The following ZNF141 variants were observed in gnomAD, a reference collection of about 807,000 sequenced individuals.
ZNF141 encodes the protein zinc finger protein 141.
In ZNF141, 7 loss-of-function variants were observed where a neutral mutation model predicts 11.3. The ratio of observed to expected loss-of-function variants is 0.62; its 90% CI spans 0.35 to 1.16. The LOEUF is 1.16. ZNF141 is among the 50% of genes most tolerant of loss of function. The pLI, the probability that ZNF141 is intolerant of heterozygous loss-of-function variation, is 0.02. For missense variants in ZNF141, 535 were observed against 554.0 expected, an observed-to-expected ratio of 0.97 and a Z score of 0.34; for synonymous variants, 183 against 190.7, an observed-to-expected ratio of 0.96 and a Z score of 0.33.
At chr4:362,827 G>A (rs1354262876) in intron 3 of ZNF141, among the ~76,000 whole-genome samples, 2 of 152,138 alleles carry the variant, frequency 1.3e-5, no homozygotes, top group Non-Finnish European at 2.9e-5. Context: ...CTCCAGCTTT[G>A]TTCTTTTGGC....
chr4:350,263 G>T (rs781974689), intron 3 of ZNF141: 3 of 530,178 alleles, frequency 5.7e-6, no homozygotes, highest in Non-Finnish European at 1.2e-5. Context: ...AATAACCCTC[G>T]ATCTCTGGCT....
Position 374,005 on chromosome 4 carries a change from A to G in ZNF141, c.*143A>G. On this transcript the variant is annotated 3_prime_UTR_variant, in exon 4 of 4. Coordinates refer to ENST00000240499, the MANE Select transcript of ZNF141 (RefSeq NM_003441.4). Reference sequence around the variant, plus strand: ...TTCTTTACCTCATTCTCAAACCTTGATAAACATAAGAGAATTCATACCGGA... The same window carrying G: ...TTCTTTACCTCATTCTCAAACCTTGGTAAACATAAGAGAATTCATACCGGA... 1.3e-6 allele frequency: 1 copy of G among 755,876 alleles called. No homozygotes were observed. Among genetic ancestry groups the G allele is most frequent in the Non-Finnish European group, 2.2e-6 (1 of 450,196 alleles). 46.8% of individuals were successfully genotyped at this position (755,876 alleles called of 1,614,324 possible). A position where few individuals can be genotyped will look rare whatever the true frequency, so the allele number is the denominator to read the frequency against.
At chr4:355,555 A>G (rs1192330922) in intron 3 of ZNF141, among the ~76,000 whole-genome samples, 1 of 152,152 alleles carries the variant, frequency 6.6e-6, no homozygotes, top group Non-Finnish European at 1.5e-5. Flanking sequence ...AAATATAGGC[A>G]TTCCTACACT....
intron 2 of ZNF141, 95 bp from the exon 3 acceptor site, chr4:344,240 C>A (rs1445586462): frequency 9.0e-7 from 1 of 1,115,650 alleles, no homozygotes; most frequent in East Asian, 2.7e-5. Flanking sequence ...CTAGAATCTT[C>A]CATAATATCT....
chr4:339,922 A>G (rs782101915), intron 1 of ZNF141, among the ~76,000 whole-genome samples: 11 of 152,212 alleles, frequency 7.2e-5, no homozygotes, highest in Non-Finnish European at 1.5e-4. Flanking sequence ...GGAAACCCGG[A>G]TGACCTCCCA....
In ZNF141 at chr4:375,099, T is replaced by C. The variant is rs1404081049; in HGVS notation, c.*1237T>C. On this transcript the variant is annotated 3_prime_UTR_variant, in exon 4 of 4. Transcript: ENST00000240499. Reference sequence around the variant, plus strand: ...TATCCTTTATATTCGAGAAAAGTTATAGAAATATAAAAAATATAGAAAAGT... The same window carrying C: ...TATCCTTTATATTCGAGAAAAGTTACAGAAATATAAAAAATATAGAAAAGT... 2.0e-5 allele frequency: 3 copies of C among 152,118 alleles called. No homozygotes were observed. The highest frequency in any genetic ancestry group is 6.6e-5 in the Admixed American group (1 of 15,258). The allele number at this position is 152,118 out of a possible 1,614,324, so 9.4% of individuals were successfully genotyped here.
At chr4:344,264 C>T (rs1291282730) in intron 2 of ZNF141, 71 bp from the exon 3 acceptor site, 38 of 1,295,878 alleles carry the variant, frequency 2.9e-5, no homozygotes, top group Middle Eastern at 3.8e-4. Context: ...TTCTGCTTAG[C>T]GTAGTACTAG....
intron 3 of ZNF141, among the ~76,000 whole-genome samples, chr4:355,055 A>G (rs1395220879): frequency 6.6e-6 from 1 of 151,926 alleles, no homozygotes; most frequent in Non-Finnish European, 1.5e-5. Context: ...TAGTTAACAT[A>G]TGTTTATATA....
intron 3 of ZNF141, among the ~76,000 whole-genome samples, chr4:366,454 G>A (rs782422540): frequency 1.1e-4 from 16 of 151,380 alleles, no homozygotes; most frequent in South Asian, 2.1e-4. Flanking sequence ...GATGACAGGC[G>A]TGTGCCGCCC....
rs1334145126 is a variant in ZNF141, at chr4:375,053, T to G, written c.*1191T>G. ...AAAAATGTGGCAGGATTTTTACCAA[T>G]GCTCATCTTTTTGCACATGATATCC... On this transcript the variant is annotated 3_prime_UTR_variant, in exon 4 of 4. Transcript: ENST00000240499. The G allele has an allele frequency of 6.6e-6, 1 of 152,154 alleles. No individual in the cohort carries two copies. The highest frequency in any genetic ancestry group is 1.5e-5 in the Non-Finnish European group (1 of 67,998). 9.4% of individuals were successfully genotyped at this position (152,154 alleles called of 1,614,324 possible).
At chr4:363,809 A>G (rs1553852571) in intron 3 of ZNF141, among the ~76,000 whole-genome samples, 6 of 150,910 alleles carry the variant, frequency 4.0e-5, no homozygotes, top group Admixed American at 2.6e-4. Context: ...CCCATTTAGT[A>G]TGATATTGGC....
chr4:342,801 C>T (rs1721113506), intron 1 of ZNF141: 1 of 1,591,712 alleles, frequency 6.3e-7, no homozygotes, highest in Non-Finnish European at 8.6e-7. Context: ...AATAATACAG[C>T]ACTACAGAAA....
rs2108654088 is a variant in ZNF141 at position 372,841 on chromosome 4, A to C, written c.404A>C (p.Glu135Ala). 6.2e-7 allele frequency: 1 copy of C among 1,612,888 alleles called. No individual in the cohort carries two copies. Among genetic ancestry groups the C allele is most frequent in the Middle Eastern group, 1.7e-4 (1 of 6,048 alleles). Residue 135 changes from glutamate (E) to alanine (A), a missense_variant, in exon 4 of 4, where the codon GAA becomes GCA. Transcript: ENST00000240499. ...LQKGGYNEFN[E>A]CLSTTQSKIL... Reference sequence around the variant, plus strand: ...AAAGGAGGTTATAATGAATTTAATGAATGCTTGTCAACTACCCAGAGCAAA... The same window carrying C: ...AAAGGAGGTTATAATGAATTTAATGCATGCTTGTCAACTACCCAGAGCAAA...
chr4:376,233 A>G lies in ZNF141; in HGVS notation c.*2371A>G, dbSNP rs1377999129. Among the ~76,000 whole-genome samples, 1 of 152,040 alleles carries G rather than the reference A, an allele frequency of 6.6e-6. No individual in the cohort carries two copies. Among genetic ancestry groups the G allele is most frequent in the African/African-American group, 2.4e-5 (1 of 41,450 alleles). On this transcript the variant is annotated 3_prime_UTR_variant, in exon 4 of 4. Transcript: ENST00000240499. ...AACATAGTTGAATGACATTTTTAGT[A>G]TTCTCTTTTTCCAGTGGCTTTAAAT...
In ZNF141 at chr4:380,915, T is replaced by C. The variant is rs782637568; in HGVS notation, c.*7053T>C. Among the ~76,000 whole-genome samples the C allele has an allele frequency of 1.3e-4, 20 of 152,174 alleles. No individual in the cohort carries two copies. Among genetic ancestry groups the C allele is most frequent in the Non-Finnish European group, 1.8e-4 (12 of 68,036 alleles). On this transcript the variant is annotated 3_prime_UTR_variant, in exon 4 of 4. Transcript: ENST00000240499. ...ATGTGTGTGCAAAACGTATAAAATA[T>C]ACAGAAAAGAGAAATACTTCCTGTA...
rs1712539218 is a variant in ZNF141, at chr4:379,935, A to C, written c.*6073A>C. 6.6e-6 allele frequency among the ~76,000 whole-genome samples: 1 copy of C among 152,228 alleles called. No homozygotes were observed. Among genetic ancestry groups the C allele is most frequent in the Non-Finnish European group, 1.5e-5 (1 of 68,040 alleles). On this transcript the variant is annotated 3_prime_UTR_variant, in exon 4 of 4. Transcript: ENST00000240499. ...AAGAGCTCATAACATTGACTGTGTTAGCATTTTCCAAAAATACATTATTGT... is the reference window on the plus strand; with the variant it reads ...AAGAGCTCATAACATTGACTGTGTTCGCATTTTCCAAAAATACATTATTGT...
chr4:339,970 C>G (rs1030009066), intron 1 of ZNF141, among the ~76,000 whole-genome samples: 2 of 152,192 alleles, frequency 1.3e-5, no homozygotes, highest in South Asian at 4.1e-4. Context: ...ATGTATGATA[C>G]ATGGTACTGT....
Position 383,692 on chromosome 4 carries a change from T to G in ZNF141, c.*9830T>G. The G allele has an allele frequency of 6.5e-6, 1 of 153,306 alleles. No homozygotes were observed. The highest frequency in any genetic ancestry group is 6.5e-5 in the Admixed American group (1 of 15,408). 9.5% of individuals were successfully genotyped at this position (153,306 alleles called of 1,614,324 possible). A position where few individuals can be genotyped will look rare whatever the true frequency, so the allele number is the denominator to read the frequency against. On this transcript the variant is annotated 3_prime_UTR_variant, in exon 4 of 4. Transcript: ENST00000240499. ...TCGAAGGCGACTGTCGCTACAACCC[T>G]CCCCCTTGTACCAGTTCTCTGATAG...
rs1553853997 is a variant in ZNF141, at chr4:373,472, C to T, written c.1035C>T (p.Gly345=). 2.5e-6 allele frequency: 4 copies of T among 1,613,890 alleles called. No individual in the cohort carries two copies. The highest frequency in any genetic ancestry group is 8.5e-7 in the Non-Finnish European group (1 of 1,180,018). ...GEKPYTCEEC[G]KAFRQSSKLN... The stretch of plus-strand genomic sequence containing the variant: ...AACCCTACACATGTGAAGAATGTGG[C>T]AAAGCTTTTAGACAGTCCTCAAAAC... Residue 345 remains glycine, a synonymous_variant, in exon 4 of 4, where the codon GGC becomes GGT. Coordinates refer to ENST00000240499, the MANE Select transcript of ZNF141 (RefSeq NM_003441.4).
Sources: allele counts gnomAD v4.1 joint callset (sites outside exome capture counted in the v4.1 genomes callset), GRCh38; gene constraint gnomAD v4.1.1; transcripts MANE v1.5; gene names NCBI Gene and HGNC (gene_info 2026-07-23, HGNC 2026-07-21).